Variants in CHN1 observed in about 807,000 individuals in gnomAD.
CHN1 encodes N-chimaerin.
A neutral mutation model predicts 59.5 loss-of-function variants in CHN1; 37 were observed. The ratio of observed to expected loss-of-function variants is 0.62; its 90% CI spans 0.48 to 0.82. The LOEUF (loss-of-function observed/expected upper bound fraction) is 0.82, where lower values mean the gene tolerates loss of function less well. Ranked by LOEUF, CHN1 falls within the 40% of genes least tolerant of loss-of-function variation. The pLI is 0.00. For missense variants in CHN1, 469 were observed against 571.0 expected (o/e 0.82, Z 1.82); for synonymous variants, 206 against 200.4 (o/e 1.03, Z -0.24).
intron 7 of CHN1, among the ~76,000 whole-genome samples, chr2:174,835,006 G>C (rs1359937966): frequency 6.6e-6 from 1 of 152,140 alleles, no homozygotes; most frequent in African/African-American, 2.4e-5. Context: ...TCAATTCTTA[G>C]GCTGAGGCAA....
intron 4 of CHN1, among the ~76,000 whole-genome samples, chr2:174,917,020 C>T (rs1466234827): frequency 6.6e-6 from 1 of 152,182 alleles, no homozygotes; most frequent in Non-Finnish European, 1.5e-5. Context: ...GGTGAAACCC[C>T]ATCTCCACTA....
intron 7 of CHN1, among the ~76,000 whole-genome samples, chr2:174,845,868 T>G (rs1277822855): frequency 6.6e-6 from 1 of 152,008 alleles, no homozygotes; most frequent in Non-Finnish European, 1.5e-5. Context: ...GGAATGAAAT[T>G]ATCTATTTCA....
intron 6 of CHN1, among the ~76,000 whole-genome samples, chr2:174,865,656 A>T (rs1315786498): frequency 6.6e-6 from 1 of 152,182 alleles, no homozygotes; most frequent in Non-Finnish European, 1.5e-5. Context: ...TATAGTAGGG[A>T]GCTAGAACAG....
chr2:174,970,393 C>A (rs1690722573), intron 1 of CHN1, among the ~76,000 whole-genome samples: 1 of 152,090 alleles, frequency 6.6e-6, no homozygotes, highest in Admixed American at 6.5e-5. Context: ...AGTAAGCTTG[C>A]GACTCCAACA....
Position 174,978,486 on chromosome 2 carries a change from G to A in CHN1, c.20-26284C>T, listed in dbSNP as rs139833705. Reference sequence around the variant, plus strand: ...CTGCGTGTGGGCCCTGAGTGACTGCGTAGGTCACATGCCAATGAAGCCAGC... The same window carrying A: ...CTGCGTGTGGGCCCTGAGTGACTGCATAGGTCACATGCCAATGAAGCCAGC... On this transcript the variant is annotated intron_variant, in intron 1 of 12. Coordinates refer to ENST00000409900, the MANE Select transcript of CHN1 (RefSeq NM_001822.7). Among the ~76,000 whole-genome samples the A allele has an allele frequency of 1.5e-3, 232 of 152,276 alleles. 1 individual carries two copies. Among genetic ancestry groups the A allele is most frequent in the African/African-American group, 5.3e-3 (222 of 41,572 alleles).
At chr2:174,874,829 G>A (rs1687513853) in intron 6 of CHN1, among the ~76,000 whole-genome samples, 1 of 151,580 alleles carries the variant, frequency 6.6e-6, no homozygotes, top group Admixed American at 6.6e-5. Flanking sequence ...ACGCAGAGAA[G>A]GCCTATAGAA....
intron 5 of CHN1, among the ~76,000 whole-genome samples, chr2:174,907,308 T>C (rs566617756): frequency 2.0e-5 from 3 of 152,212 alleles, no homozygotes; most frequent in Admixed American, 2.0e-4. Flanking sequence ...AAAAATTCAA[T>C]TGATTATGTT....
chr2:174,882,431 TA>T (rs1424298056), intron 5 of CHN1, among the ~76,000 whole-genome samples: 2 of 152,174 alleles, frequency 1.3e-5, no homozygotes, highest in Non-Finnish European at 1.5e-5. Flanking sequence ...TTTCAGCAAA[TA>T]AATCATATCG....
chr2:174,936,561 T>A (rs554838859), intron 3 of CHN1, among the ~76,000 whole-genome samples: 2 of 152,192 alleles, frequency 1.3e-5, no homozygotes, highest in East Asian at 3.9e-4. Flanking sequence ...GTGCTTAACA[T>A]GAAATAACAA....
chr2:175,003,164 C>T (rs1050968039), intron 1 of CHN1, among the ~76,000 whole-genome samples: 6 of 152,212 alleles, frequency 3.9e-5, no homozygotes, highest in Non-Finnish European at 1.5e-5. Flanking sequence ...ACAGCTGCTG[C>T]TCTATCACTA....
chr2:174,933,182 G>A (rs750775400), intron 3 of CHN1, among the ~76,000 whole-genome samples: 10 of 152,066 alleles, frequency 6.6e-5, no homozygotes, highest in Non-Finnish European at 1.0e-4. Context: ...ATATATGTGT[G>A]TATATATATA....
At chr2:174,991,400 G>GA (rs1456566078) in intron 1 of CHN1, among the ~76,000 whole-genome samples, 3 of 152,206 alleles carry the variant, frequency 2.0e-5, no homozygotes, top group Admixed American at 2.0e-4. Flanking sequence ...AAAGGGGCCA[G>GA]AAAATCAACC....
chr2:174,936,388 G>T (rs1689496671), intron 3 of CHN1, among the ~76,000 whole-genome samples: 1 of 152,110 alleles, frequency 6.6e-6, no homozygotes, highest in Admixed American at 6.5e-5. Flanking sequence ...AAGATATGGA[G>T]CTTCTCTCAT....
intron 6 of CHN1, among the ~76,000 whole-genome samples, chr2:174,851,962 C>T (rs1271739002): frequency 6.6e-6 from 1 of 152,036 alleles, no homozygotes; most frequent in African/African-American, 2.4e-5. Context: ...CCAATAATGT[C>T]CATGCTGAGA....
chr2:174,846,752 C>T (rs1558950148), intron 7 of CHN1, 128 bp downstream of exon 7: 6 of 984,776 alleles, frequency 6.1e-6, no homozygotes, highest in Middle Eastern at 3.3e-4. Context: ...GAAAACATCT[C>T]ACTCCTTAAA....
intron 8 of CHN1, among the ~76,000 whole-genome samples, chr2:174,816,172 T>C (rs918434521): frequency 8.5e-5 from 13 of 152,228 alleles, no homozygotes; most frequent in African/African-American, 3.1e-4. Context: ...GGGATGAAGA[T>C]ACAGCTCTCC....
In CHN1 at chr2:174,878,118, G is replaced by T; in HGVS notation, c.271C>A (p.Gln91Lys). The change falls in exon 6 of 13, where the codon CAA (glutamine) becomes AAA (lysine). Residue 91 changes from glutamine to lysine, a missense_variant. Gln to Lys is a moderately conservative substitution (Grantham distance 53). Transcript: ENST00000409900. ...TAGTAGAGCCTGAAGTTTCTGGTTT[G>T]ACTTCCAAATCTGCCTCAATGAAAT... ...TYTLALRFGS[Q>K]TRNFRLYYDG... is the part of the protein sequence containing the mutation. 2 of 1,525,988 alleles carry T rather than the reference G, an allele frequency of 1.3e-6. No individual in the cohort carries two copies. Among genetic ancestry groups the T allele is most frequent in the South Asian group, 2.7e-5 (2 of 73,714 alleles). The allele number at this position is 1,525,988 out of a possible 1,614,324, so 94.5% of individuals were successfully genotyped here. A position where few individuals can be genotyped will look rare whatever the true frequency, so the allele number is the denominator to read the frequency against.
chr2:174,988,029 A>G (rs985828565), intron 1 of CHN1, among the ~76,000 whole-genome samples: 6 of 152,156 alleles, frequency 3.9e-5, no homozygotes, highest in Non-Finnish European at 8.8e-5. Context: ...GCTAGTACAT[A>G]ATGAGACTTT....
chr2:174,933,645 G>A lies in CHN1; in HGVS notation c.114+11243C>T, dbSNP rs189277525. Among the ~76,000 whole-genome samples the A allele has an allele frequency of 2.1e-3, 325 of 152,308 alleles. 2 individuals carry two copies. The highest frequency in any genetic ancestry group is 7.4e-3 in the African/African-American group (307 of 41,580). ...ACAAAAGAAAGCAAAGAAATTGAGC[G>A]AGGCAAATGGAGAAAGCAGGGTCAA... On this transcript the variant is annotated intron_variant, in intron 3 of 12. Coordinates refer to ENST00000409900, the MANE Select transcript of CHN1 (RefSeq NM_001822.7).
Sources: gnomAD v4.1 joint callset for allele counts (sites outside exome capture counted in the v4.1 genomes callset) on GRCh38, gnomAD v4.1.1 for gene constraint, MANE v1.5 for transcripts, NCBI Gene and HGNC (gene_info 2026-07-23, HGNC 2026-07-21) for gene names.